QKI: variants seen among roughly 807,000 people sequenced by gnomAD.
The protein encoded by QKI is QKI, KH domain containing RNA binding.
Under a neutral mutation model 39.0 loss-of-function variants are expected in QKI, and 10 were observed. The ratio of observed to expected loss-of-function variants is 0.26; its 90% confidence interval spans 0.16 to 0.43. QKI has a LOEUF of 0.43. Among genes scored for constraint, QKI ranks in the 20% least tolerant of loss-of-function variants. QKI has a pLI of 1.00. For synonymous variants in QKI, 204 were observed against 155.4 expected (o/e 1.31, Z -2.33); for missense variants, 218 against 428.0 (o/e 0.51, Z 4.33).
At chr6:163,492,831 C>G (rs75377318) in intron 3 of QKI, among the ~76,000 whole-genome samples, 1 of 152,034 alleles carries the variant, frequency 6.6e-6, no homozygotes, top group Admixed American at 6.6e-5. Context: ...TCAAGTGTTA[C>G]AACAGCACAT....
At chr6:163,564,689 G>T in intron 6 of QKI, 2 of 1,614,024 alleles carry the variant, frequency 1.2e-6, no homozygotes, top group African/African-American at 1.3e-5. Flanking sequence ...TGCCAGTCAT[G>T]CCTGATATTT....
At chr6:163,494,089 C>G (rs886384535) in intron 3 of QKI, among the ~76,000 whole-genome samples, 3 of 150,732 alleles carry the variant, frequency 2.0e-5, no homozygotes, top group Non-Finnish European at 4.4e-5. Flanking sequence ...ATACTGCAGG[C>G]CCCACATCCT....
chr6:163,510,955 C>G (rs907979706), intron 3 of QKI, among the ~76,000 whole-genome samples: 2 of 152,262 alleles, frequency 1.3e-5, no homozygotes, highest in South Asian at 4.1e-4. Flanking sequence ...AACGTTATAT[C>G]TTACAGCTAG....
At chr6:163,452,395 A>C (rs1274183669) in intron 1 of QKI, among the ~76,000 whole-genome samples, 1 of 152,148 alleles carries the variant, frequency 6.6e-6, no homozygotes, top group Non-Finnish European at 1.5e-5. Context: ...GAGACTGAAA[A>C]AAATCGTGGT....
At chr6:163,523,248 A>T (rs1780270288) in intron 3 of QKI, among the ~76,000 whole-genome samples, 1 of 152,224 alleles carries the variant, frequency 6.6e-6, no homozygotes, top group African/African-American at 2.4e-5. Flanking sequence ...CTGAGTTTTT[A>T]AAATAAATCT....
chr6:163,562,078 G>T lies in QKI; in HGVS notation c.634+9G>T. 6.2e-7 allele frequency: 1 copy of T among 1,605,578 alleles called. No homozygotes were observed. Among genetic ancestry groups the T allele is most frequent in the South Asian group, 1.1e-5 (1 of 89,886 alleles). ...TGCCAACATTAAATCACGTAAGAAT[G>T]AGCTCTGAGGCCCAGGGTTACTGCT... On this transcript the variant is annotated intron_variant, in intron 5 of 7. Transcript: ENST00000361752.
chr6:163,478,775 C>G lies in QKI; in HGVS notation c.286-5C>G, dbSNP rs747621557. ...TGTATAGTGATCCTTTTTTTTTTTT[C>G]TCAGTTTAATTTTGTTGGGAGAATC... On this transcript the variant is annotated splice_polypyrimidine_tract_variant and splice_region_variant and intron_variant, in intron 2 of 7. Coordinates refer to ENST00000361752, the MANE Select transcript of QKI (RefSeq NM_006775.3). 1 of 1,444,600 alleles carries G rather than the reference C, an allele frequency of 6.9e-7. No individual in the cohort carries two copies. Among genetic ancestry groups the G allele is most frequent in the Non-Finnish European group, 9.3e-7 (1 of 1,075,238 alleles). 89.5% of individuals were successfully genotyped at this position (1,444,600 alleles called of 1,614,324 possible).
chr6:163,522,287 C>G (rs576192385), intron 3 of QKI, among the ~76,000 whole-genome samples: 1 of 152,144 alleles, frequency 6.6e-6, no homozygotes, highest in African/African-American at 2.4e-5. Context: ...GCTTGCATGT[C>G]TGTTCACTTG....
At chr6:163,498,886 G>A (rs1403890135) in intron 3 of QKI, among the ~76,000 whole-genome samples, 1 of 152,036 alleles carries the variant, frequency 6.6e-6, no homozygotes, top group Non-Finnish European at 1.5e-5. Context: ...TTCAGATTTT[G>A]GGTTTTTTTG....
chr6:163,428,081 A>G (rs1352495867), intron 1 of QKI, among the ~76,000 whole-genome samples: 1 of 152,222 alleles, frequency 6.6e-6, no homozygotes, highest in East Asian at 1.9e-4. Flanking sequence ...CTTTTGCCAG[A>G]ATAGGAAAAT....
intron 3 of QKI, among the ~76,000 whole-genome samples, chr6:163,526,216 G>A (rs916610574): frequency 6.6e-6 from 1 of 152,178 alleles, no homozygotes; most frequent in African/African-American, 2.4e-5. Context: ...GATGATTATT[G>A]AAACTGGGAT....
At chr6:163,508,892 A>G (rs1335289500) in intron 3 of QKI, among the ~76,000 whole-genome samples, 2 of 151,636 alleles carry the variant, frequency 1.3e-5, no homozygotes, top group African/African-American at 2.4e-5. Context: ...TAATCCCAGC[A>G]CTTTGGGAGG....
intron 3 of QKI, among the ~76,000 whole-genome samples, chr6:163,506,675 A>T (rs1412029776): frequency 6.6e-6 from 1 of 152,224 alleles, no homozygotes; most frequent in Non-Finnish European, 1.5e-5. Flanking sequence ...AGAGTTCTTT[A>T]AGAGTTGTAA....
At chr6:163,564,035 CCCGTCACCT>C in intron 6 of QKI, 1 of 1,149,548 alleles carries the variant, frequency 8.7e-7, no homozygotes, top group Non-Finnish European at 1.1e-6. Context: ...ACCCCATTGG[CCCGTCACCT>C]CCATCAGCTC....
intron 3 of QKI, among the ~76,000 whole-genome samples, chr6:163,495,717 C>T (rs1028159773): frequency 1.3e-5 from 2 of 152,140 alleles, no homozygotes; most frequent in African/African-American, 4.8e-5. Flanking sequence ...TGGAACAGTT[C>T]CTCAGACTTT....
intron 5 of QKI, 53 bp downstream of exon 5, chr6:163,562,122 A>G (rs1783064842): frequency 1.4e-6 from 2 of 1,402,064 alleles, no homozygotes; most frequent in South Asian, 1.3e-5. Flanking sequence ...TGTTTTGTCT[A>G]CAGACTTTTT....
chr6:163,443,568 A>AG (rs1223714168), intron 1 of QKI, among the ~76,000 whole-genome samples: 1 of 152,202 alleles, frequency 6.6e-6, no homozygotes, highest in East Asian at 1.9e-4. Flanking sequence ...CAAAACAATA[A>AG]CAACAACAAC....
At chr6:163,471,362 T>G (rs73244771) in intron 2 of QKI, among the ~76,000 whole-genome samples, 57 of 152,264 alleles carry the variant, frequency 3.7e-4, no homozygotes, top group African/African-American at 1.3e-3. Flanking sequence ...GAATGATGAT[T>G]ATTTGAAAAG....
intron 3 of QKI, among the ~76,000 whole-genome samples, chr6:163,485,793 T>C (rs567116970): frequency 1.3e-5 from 2 of 152,320 alleles, no homozygotes; most frequent in African/African-American, 4.8e-5. Flanking sequence ...TGTGCATTCT[T>C]CTTCTAGCCA....
Sources: allele counts gnomAD v4.1 joint callset (sites outside exome capture counted in the v4.1 genomes callset), GRCh38; gene constraint gnomAD v4.1.1; transcripts MANE v1.5; gene names NCBI Gene and HGNC (gene_info 2026-07-23, HGNC 2026-07-21).